Variants in SPAG16 observed in about 807,000 individuals in gnomAD.
SPAG16 encodes the protein sperm-associated antigen 16 protein.
Under a neutral mutation model 80.4 loss-of-function variants are expected in SPAG16, and 86 were observed. That is an observed-to-expected ratio of 1.07 (90% confidence interval 0.90 to 1.28). The LOEUF is 1.28. Ranked by LOEUF, SPAG16 falls within the 50% of genes most tolerant of loss-of-function variation. SPAG16 has a pLI of 0.00. For missense variants in SPAG16, 870 were observed against 765.3 expected, an observed-to-expected ratio of 1.14 and a Z score of -1.61; for synonymous variants, 294 against 265.9, an observed-to-expected ratio of 1.11 and a Z score of -1.03.
At chr2:213,657,801 A>C (rs776645776) in intron 10 of SPAG16, among the ~76,000 whole-genome samples, 12 of 152,144 alleles carry the variant, frequency 7.9e-5, no homozygotes, top group Non-Finnish European at 1.5e-4. Flanking sequence ...GATATAGTCC[A>C]CATTTATACT....
chr2:213,626,721 C>G (rs1055417174), intron 10 of SPAG16, among the ~76,000 whole-genome samples: 1 of 139,480 alleles, frequency 7.2e-6, no homozygotes, highest in African/African-American at 2.7e-5. Context: ...CATCTTGGCT[C>G]TGTGCAACCT....
At chr2:213,393,617 A>G (rs1202077943) in intron 9 of SPAG16, among the ~76,000 whole-genome samples, 1 of 152,050 alleles carries the variant, frequency 6.6e-6, no homozygotes, top group South Asian at 2.1e-4. Flanking sequence ...CAAGTGCATT[A>G]GTGGAAGATT....
At chr2:213,581,743 G>A (rs116347711) in intron 10 of SPAG16, among the ~76,000 whole-genome samples, 2,312 of 152,220 alleles carry the variant, frequency 0.015, 29 homozygotes, top group South Asian at 0.052. Context: ...GCAACACTTA[G>A]AATGTCTGCC....
chr2:214,149,266 G>T lies in SPAG16; in HGVS notation c.1720G>T (p.Gly574Cys). Residue 574 changes from glycine to cysteine, a missense_variant and splice_region_variant, in exon 15 of 16, where the codon GGT (glycine) becomes TGT (cysteine). By Grantham distance (159) the Gly-to-Cys change is radical (BLOSUM62 -3). Coordinates refer to ENST00000331683, the MANE Select transcript of SPAG16 (RefSeq NM_024532.5). ...CAATGAGGTGAATTTTGATTCATCA[G>T]GTAGGATCATTTTTGTCTAATGTTT... is the stretch of plus-strand genomic sequence containing the variant. Reference protein sequence around the residue: ...PGNEVNFDSSGRVLAQASGNG... With the variant: ...PGNEVNFDSSCRVLAQASGNG... 6.4e-7 allele frequency: 1 copy of T among 1,559,556 alleles called. No individual in the cohort carries two copies. Among genetic ancestry groups the T allele is most frequent in the South Asian group, 1.2e-5 (1 of 83,318 alleles).
At chr2:214,088,955 A>G (rs2125302903) in intron 13 of SPAG16, among the ~76,000 whole-genome samples, 1 of 152,264 alleles carries the variant, frequency 6.6e-6, no homozygotes, top group East Asian at 1.9e-4. Flanking sequence ...TAGATGTAAA[A>G]ATAATATAAT....
intron 13 of SPAG16, among the ~76,000 whole-genome samples, chr2:214,069,367 G>A (rs996117069): frequency 2.0e-5 from 3 of 152,110 alleles, no homozygotes; most frequent in Non-Finnish European, 4.4e-5. Context: ...CAACCGGAGC[G>A]ATGTCTGGTT....
chr2:213,480,142 G>A (rs939226107), intron 9 of SPAG16, among the ~76,000 whole-genome samples: 5 of 152,198 alleles, frequency 3.3e-5, no homozygotes, highest in African/African-American at 1.2e-4. Flanking sequence ...GTAGCTAATA[G>A]TAGAAGTTAG....
rs1575378884 is a variant in SPAG16, at chr2:213,859,218, T to TAAAAAAAAAAAAAAAAA, written c.1071-3267_1071-3266insAAAAAAAAAAAAAAAAA. On this transcript the variant is annotated intron_variant, in intron 10 of 15. Transcript: ENST00000331683. ...AAAAAAAAAAAAAAAAAAAAAAAAC[T>TAAAAAAAAAAAAAAAAA]CAATGTCCTCTGACAACTTGATGTA... Among the ~76,000 whole-genome samples, 2 of 16,904 alleles carry TAAAAAAAAAAAAAAAAA rather than the reference T, an allele frequency of 1.2e-4. 1 individual carries two copies. The highest frequency in any genetic ancestry group is 2.7e-4 in the Non-Finnish European group (2 of 7,418). 11.1% of individuals were successfully genotyped at this position (16,904 alleles called of 152,430 possible).
At chr2:213,589,556 C>G (rs139804947) in intron 10 of SPAG16, among the ~76,000 whole-genome samples, 22 of 152,210 alleles carry the variant, frequency 1.4e-4, no homozygotes, top group African/African-American at 5.1e-4. Flanking sequence ...TTAAACATTT[C>G]CTGTGCCAGG....
At chr2:213,602,573 G>A (rs1223809106) in intron 10 of SPAG16, among the ~76,000 whole-genome samples, 1 of 152,210 alleles carries the variant, frequency 6.6e-6, no homozygotes, top group African/African-American at 2.4e-5. Flanking sequence ...GGCAGAGGTT[G>A]CAGTGAGCCA....
chr2:213,533,270 C>T (rs1392945573), intron 10 of SPAG16, among the ~76,000 whole-genome samples: 1 of 152,070 alleles, frequency 6.6e-6, no homozygotes, highest in Non-Finnish European at 1.5e-5. Context: ...TGTATATATG[C>T]TTTCAAGGCC....
chr2:214,395,526 T>C (rs1341717332), intron 15 of SPAG16, among the ~76,000 whole-genome samples: 1 of 152,220 alleles, frequency 6.6e-6, no homozygotes. Flanking sequence ...CATTTTTAAA[T>C]ATTTTTATGG....
At chr2:213,584,377 T>C (rs2060395095) in intron 10 of SPAG16, among the ~76,000 whole-genome samples, 1 of 151,838 alleles carries the variant, frequency 6.6e-6, no homozygotes, top group Non-Finnish European at 1.5e-5. Flanking sequence ...GAAAAGAAAA[T>C]GGGAAAACAA....
At chr2:214,169,666 A>G (rs560135022) in intron 15 of SPAG16, among the ~76,000 whole-genome samples, 2 of 152,238 alleles carry the variant, frequency 1.3e-5, no homozygotes, top group African/African-American at 4.8e-5. Flanking sequence ...TCTTAGAGAC[A>G]TATATACAAC....
chr2:213,589,698 G>C (rs2060612075), intron 10 of SPAG16, among the ~76,000 whole-genome samples: 1 of 152,074 alleles, frequency 6.6e-6, no homozygotes. Flanking sequence ...GAAGCAGGTG[G>C]ATCACCTGAG....
chr2:214,024,849 G>T (rs1280611131), intron 13 of SPAG16, among the ~76,000 whole-genome samples: 1 of 151,530 alleles, frequency 6.6e-6, no homozygotes, highest in Non-Finnish European at 1.5e-5. Context: ...AATATTGAAG[G>T]TAACTTAATC....
chr2:213,824,165 A>G (rs1559498020), intron 10 of SPAG16, among the ~76,000 whole-genome samples: 1 of 152,350 alleles, frequency 6.6e-6, no homozygotes, highest in East Asian at 1.9e-4. Flanking sequence ...TTTACTGAAT[A>G]GGAGATCCTT....
intron 11 of SPAG16, among the ~76,000 whole-genome samples, chr2:213,866,664 G>A (rs1012122622): frequency 6.6e-6 from 1 of 152,008 alleles, no homozygotes; most frequent in African/African-American, 2.4e-5. Context: ...AAAGCAGAAT[G>A]GTGCTTACAG....
chr2:214,090,190 A>C (rs1025468036), intron 13 of SPAG16, among the ~76,000 whole-genome samples: 1 of 152,066 alleles, frequency 6.6e-6, no homozygotes, highest in Non-Finnish European at 1.5e-5. Context: ...GAATGAACAA[A>C]GAGAAAGAAG....
Sources: gnomAD v4.1 joint callset for allele counts (sites outside exome capture counted in the v4.1 genomes callset) on GRCh38, gnomAD v4.1.1 for gene constraint, MANE v1.5 for transcripts, NCBI Gene and HGNC (gene_info 2026-07-23, HGNC 2026-07-21) for gene names.